The following GATB variants were observed in gnomAD, a reference collection of about 807,000 sequenced individuals.
GATB encodes the protein glutamyl-tRNA amidotransferase subunit B.
A neutral mutation model predicts 62.3 loss-of-function variants in GATB; 39 were observed. The ratio of observed to expected loss-of-function variants is 0.63; its 90% confidence interval spans 0.48 to 0.82. The LOEUF (loss-of-function observed/expected upper bound fraction) is 0.82. Ranked by LOEUF, GATB falls within the 40% of genes least tolerant of loss-of-function variation. The pLI is 0.00. For missense variants in GATB, 670 were observed against 684.0 expected, an observed-to-expected ratio of 0.98 and a Z score of 0.23; for synonymous variants, 276 against 258.9, an observed-to-expected ratio of 1.07 and a Z score of -0.63.
At chr4:151,707,920 GTTGT>G in intron 6 of GATB, 64 bp downstream of exon 6, 2 of 1,047,676 alleles carry the variant, frequency 1.9e-6, no homozygotes, top group Non-Finnish European at 3.0e-6. Flanking sequence ...AAGTTTCTGG[GTTGT>G]TTGTTACCCA....
At chr4:151,728,639 C>T (rs1739184737) in intron 2 of GATB, among the ~76,000 whole-genome samples, 1 of 152,072 alleles carries the variant, frequency 6.6e-6, no homozygotes. Context: ...ACTCAAGAGA[C>T]TCTACACCTG....
chr4:151,742,067 T>C (rs1439520923), intron 2 of GATB, among the ~76,000 whole-genome samples: 2 of 149,898 alleles, frequency 1.3e-5, no homozygotes, highest in African/African-American at 2.5e-5. Flanking sequence ...ACAGAAGAAT[T>C]ACAATGGGAA....
At chr4:151,671,359 A>C in intron 12 of GATB, 57 bp from the exon 13 acceptor site, 1 of 1,548,728 alleles carries the variant, frequency 6.5e-7, no homozygotes, top group Admixed American at 1.7e-5. Flanking sequence ...TCATGCCCCC[A>C]AATCCCAAAC....
intron 2 of GATB, among the ~76,000 whole-genome samples, chr4:151,755,419 T>G (rs894983257): frequency 6.6e-6 from 1 of 152,196 alleles, no homozygotes; most frequent in African/African-American, 2.4e-5. Flanking sequence ...TTTCTACCTT[T>G]AAAAATAGAT....
chr4:151,704,407 C>T (rs1347207062), intron 7 of GATB, among the ~76,000 whole-genome samples: 1 of 151,968 alleles, frequency 6.6e-6, no homozygotes. Flanking sequence ...CTTCAAGCCT[C>T]CTGGCAGCCC....
rs188873773 is a variant in GATB, at chr4:151,712,305, T to C, written c.763+3704A>G. 1.6e-3 allele frequency among the ~76,000 whole-genome samples: 242 copies of C among 152,272 alleles called. 3 individuals are homozygous for C. Among genetic ancestry groups the C allele is most frequent in the Non-Finnish European group, 1.0e-4 (7 of 68,016 alleles). ...TACCTTTTAAACAAATTAAGTTAAATTGCCTCAAGTGCACAAAAGCTTTAC... is the reference window on the plus strand; with the variant it reads ...TACCTTTTAAACAAATTAAGTTAAACTGCCTCAAGTGCACAAAAGCTTTAC... On this transcript the variant is annotated intron_variant, in intron 5 of 12. Coordinates refer to ENST00000263985, the MANE Select transcript of GATB (RefSeq NM_004564.3).
chr4:151,736,781 C>T lies in GATB; in HGVS notation c.328-17243G>A, dbSNP rs139986463. ...ATTGAATCATGGGGGCAGGTCTTTC[C>T]GGTGCTGTTCTCGTGATAGAGAATA... On this transcript the variant is annotated intron_variant, in intron 2 of 12. Transcript: ENST00000263985. Among the ~76,000 whole-genome samples the T allele has an allele frequency of 4.8e-3, 729 of 152,194 alleles. 3 individuals are homozygous for T. Among genetic ancestry groups the T allele is most frequent in the African/African-American group, 0.016 (678 of 41,520 alleles).
chr4:151,675,628 TCC>T (rs1737984098), intron 11 of GATB: 1 of 152,244 alleles, frequency 6.6e-6, no homozygotes, highest in Admixed American at 6.5e-5. Context: ...CTGTGTTTAA[TCC>T]CACCCTGAGA....
chr4:151,677,312 C>T (rs1370477636), intron 11 of GATB: 2 of 152,118 alleles, frequency 1.3e-5, no homozygotes, highest in African/African-American at 4.8e-5. Context: ...TATGGAAATG[C>T]AAATCAAATC....
rs145379563 is a variant in GATB, at chr4:151,719,364, C to G, written c.441+61G>C. The G allele has an allele frequency of 4.7e-4, 570 of 1,220,340 alleles. 5 individuals are homozygous for G. In the African/African-American group the frequency reaches 7.5e-3, roughly 16 times the overall value. The allele number at this position is 1,220,340 out of a possible 1,614,324, so 75.6% of individuals were successfully genotyped here. On this transcript the variant is annotated intron_variant, in intron 3 of 12. Coordinates refer to ENST00000263985, the MANE Select transcript of GATB (RefSeq NM_004564.3). ...GCCCCTTTCCCTTGCTCCGACCCCC[C>G]ACAGCAGGGCTGGCCCAGCTCTGAG...
intron 11 of GATB, 78 bp from the exon 12 acceptor site, chr4:151,672,974 T>A (rs1737907506): frequency 2.6e-6 from 4 of 1,541,964 alleles, no homozygotes; most frequent in Non-Finnish European, 2.7e-6. Flanking sequence ...TGCTGTGCTG[T>A]GTGGAGCTGG....
At position 151,697,971 on chromosome 4, in the gene GATB, A is replaced by ATATATATATATGTG. The variant is rs1560847769; in HGVS notation, c.1197+3357_1197+3358insCACATATATATATA. On this transcript the variant is annotated intron_variant, in intron 9 of 12. Coordinates refer to ENST00000263985, the MANE Select transcript of GATB (RefSeq NM_004564.3). ...TGTGTGTGTATATATATATATATAT[A>ATATATATATATGTG]TATATATATATATATATATATATGA... 1.2e-4 allele frequency among the ~76,000 whole-genome samples: 11 copies of ATATATATATATGTG among 89,360 alleles called. 1 individual carries two copies. Among genetic ancestry groups the ATATATATATATGTG allele is most frequent in the African/African-American group, 6.0e-4 (11 of 18,378 alleles). The allele number at this position is 89,360 out of a possible 152,430, so 58.6% of individuals were successfully genotyped here.
intron 2 of GATB, among the ~76,000 whole-genome samples, chr4:151,749,113 G>A (rs996057183): frequency 3.3e-5 from 5 of 152,284 alleles, no homozygotes; most frequent in Admixed American, 2.6e-4. Flanking sequence ...GATTCCTCAG[G>A]GATCTAGAAC....
At chr4:151,702,778 C>T in intron 8 of GATB, among the ~76,000 whole-genome samples, 1 of 152,108 alleles carries the variant, frequency 6.6e-6, no homozygotes, top group East Asian at 1.9e-4. Flanking sequence ...ACTCTCTGCC[C>T]ATTTTTGTCA....
chr4:151,747,584 C>T (rs777861460), intron 2 of GATB, among the ~76,000 whole-genome samples: 3 of 152,174 alleles, frequency 2.0e-5, no homozygotes, highest in Non-Finnish European at 2.9e-5. Context: ...GGGTACAGTA[C>T]TTAAGTTAAA....
rs1470266981 is a variant in GATB at position 151,679,795 on chromosome 4, T to C, written c.1410+18A>G. ...GGGACAGTAGCACAGTCAGAAGCTG[T>C]CGGGAGTGTGGACATACCTGTTTAG... On this transcript the variant is annotated intron_variant, in intron 11 of 12. Transcript: ENST00000263985. 1 of 1,606,468 alleles carries C rather than the reference T, an allele frequency of 6.2e-7. No individual in the cohort carries two copies. Among genetic ancestry groups the C allele is most frequent in the Admixed American group, 1.7e-5 (1 of 60,012 alleles).
chr4:151,719,583 A>G, intron 2 of GATB, 45 bp from the exon 3 acceptor site: 1 of 1,308,838 alleles, frequency 7.6e-7, no homozygotes, highest in South Asian at 1.4e-5. Context: ...CGCAGGCTGA[A>G]CAAATGCTTC....
intron 2 of GATB, chr4:151,724,626 C>T (rs1250898963): frequency 3.3e-5 from 5 of 152,222 alleles, no homozygotes; most frequent in Admixed American, 1.3e-4. Context: ...ATACAAACTG[C>T]TGCTTCTGCT....
intron 2 of GATB, among the ~76,000 whole-genome samples, chr4:151,731,084 C>T (rs1578928478): frequency 1.3e-5 from 2 of 151,046 alleles, no homozygotes; most frequent in African/African-American, 2.4e-5. Flanking sequence ...AAGAAAAAAC[C>T]CTCTCCCTCC....
Sources: allele counts gnomAD v4.1 joint callset (sites outside exome capture counted in the v4.1 genomes callset), GRCh38; gene constraint gnomAD v4.1.1; transcripts MANE v1.5; gene names NCBI Gene and HGNC (gene_info 2026-07-23, HGNC 2026-07-21).